PCDH7: variants seen among roughly 807,000 people sequenced by gnomAD.
PCDH7 encodes the protein protocadherin 7.
In PCDH7, 17 loss-of-function variants were observed where a neutral mutation model predicts 58.9. That is an observed-to-expected ratio of 0.29 (90% CI 0.20 to 0.43). The LOEUF is 0.43. PCDH7 is among the 20% of genes least tolerant of loss of function. PCDH7 has a pLI of 1.00. For synonymous variants in PCDH7, 664 were observed against 616.4 expected, an observed-to-expected ratio of 1.08 and a Z score of -1.14; for missense variants, 1,274 against 1,441.0, an observed-to-expected ratio of 0.88 and a Z score of 1.88.
chr4:31,048,957 G>A (rs910159280), intron 3 of PCDH7, among the ~76,000 whole-genome samples: 1 of 152,100 alleles, frequency 6.6e-6, no homozygotes, highest in South Asian at 2.1e-4. Flanking sequence ...TAATTCAACT[G>A]TAAACCAGAA....
At chr4:30,986,866 A>C (rs1751015028) in intron 3 of PCDH7, among the ~76,000 whole-genome samples, 1 of 152,004 alleles carries the variant, frequency 6.6e-6, no homozygotes, top group Admixed American at 6.6e-5. Context: ...CTGTAGTCCC[A>C]GCTACTCAGG....
At chr4:31,018,696 T>A (rs1163779679) in intron 3 of PCDH7, among the ~76,000 whole-genome samples, 2 of 152,218 alleles carry the variant, frequency 1.3e-5, no homozygotes, top group African/African-American at 2.4e-5. Flanking sequence ...ATTTGCAGCA[T>A]CTCATTTGTA....
intron 3 of PCDH7, among the ~76,000 whole-genome samples, chr4:31,138,287 CAT>C (rs1009298529): frequency 2.6e-5 from 4 of 152,106 alleles, no homozygotes; most frequent in African/African-American, 9.7e-5. Flanking sequence ...CTTAAGAAAA[CAT>C]ATAATTTTCT....
chr4:30,878,019 A>G (rs1311809219), intron 1 of PCDH7, among the ~76,000 whole-genome samples: 1 of 152,168 alleles, frequency 6.6e-6, no homozygotes, highest in Admixed American at 6.6e-5. Context: ...TCAGAAGAAA[A>G]GTGTGTGAGG....
At chr4:30,961,388 C>CA (rs36009331) in intron 3 of PCDH7, among the ~76,000 whole-genome samples, 12,304 of 143,766 alleles carry the variant, frequency 0.086, 668 homozygotes, top group Non-Finnish European at 0.12. Context: ...ACTAAAAATA[C>CA]AAAAAAAAAA....
chr4:30,852,361 A>G (rs1321552598), intron 1 of PCDH7, among the ~76,000 whole-genome samples: 6 of 152,096 alleles, frequency 3.9e-5, no homozygotes, highest in Non-Finnish European at 7.4e-5. Context: ...GTGGGGGATT[A>G]GAGGATAGGG....
At chr4:31,139,765 C>T (rs1004747156) in intron 3 of PCDH7, among the ~76,000 whole-genome samples, 5 of 152,130 alleles carry the variant, frequency 3.3e-5, no homozygotes, top group Non-Finnish European at 5.9e-5. Flanking sequence ...GTTTTGATTG[C>T]TTGTGATGAA....
chr4:31,115,326 TTTA>T (rs1716862229), intron 3 of PCDH7, among the ~76,000 whole-genome samples: 1 of 152,078 alleles, frequency 6.6e-6, no homozygotes, highest in Non-Finnish European at 1.5e-5. Flanking sequence ...CCTCTGACTT[TTTA>T]TTATATTATT....
chr4:30,750,694 A>G (rs1287757296), intron 1 of PCDH7, among the ~76,000 whole-genome samples: 2 of 152,124 alleles, frequency 1.3e-5, no homozygotes, highest in Admixed American at 1.3e-4. Flanking sequence ...GCATTCATTA[A>G]CTTACCAAGT....
intron 3 of PCDH7, among the ~76,000 whole-genome samples, chr4:30,985,332 T>G (rs1386511811): frequency 1.3e-5 from 2 of 152,210 alleles, no homozygotes; most frequent in African/African-American, 2.4e-5. Flanking sequence ...TTTATTAGAT[T>G]TATATTTTGG....
chr4:30,894,512 TATATACACACACAC>T (rs1410314944), intron 1 of PCDH7, among the ~76,000 whole-genome samples: 580 of 50,268 alleles, frequency 0.012, 5 homozygotes, highest in Non-Finnish European at 0.016. Flanking sequence ...TATATATATA[TATATACACACACAC>T]ACACACACAC....
At chr4:30,924,521 G>A (rs1373568084) in intron 2 of PCDH7, among the ~76,000 whole-genome samples, 1 of 152,172 alleles carries the variant, frequency 6.6e-6, no homozygotes, top group Non-Finnish European at 1.5e-5. Context: ...AACCCACACA[G>A]CAAGTGCATT....
At chr4:30,856,312 C>A (rs1451126872) in intron 1 of PCDH7, among the ~76,000 whole-genome samples, 2 of 152,086 alleles carry the variant, frequency 1.3e-5, no homozygotes, top group East Asian at 1.9e-4. Context: ...GAGACAAATT[C>A]TTCTCCCACC....
At chr4:30,725,700 C>T (rs1714521719) in intron 1 of PCDH7, among the ~76,000 whole-genome samples, 1 of 151,976 alleles carries the variant, frequency 6.6e-6, no homozygotes, top group Non-Finnish European at 1.5e-5. Context: ...TCTCAAGAAA[C>T]ACAGTTATGA....
rs548233788 is a variant in PCDH7, at chr4:31,073,944, C to T, written c.*8-68529C>T. On this transcript the variant is annotated intron_variant, in intron 3 of 3. Coordinates refer to the PCDH7 transcript ENST00000509759. ...TTGTCTCCTATTATTCTCTCCTGGG[C>T]TTTGTATATTCCGGCCAAACTGCTT... Among the ~76,000 whole-genome samples, 10 of 152,118 alleles carry T rather than the reference C, an allele frequency of 6.6e-5. No individual in the cohort carries two copies. In the South Asian group the frequency reaches 1.9e-3, roughly 28 times the overall value.
intron 1 of PCDH7, among the ~76,000 whole-genome samples, chr4:30,905,783 TG>T (rs1288014807): frequency 6.6e-6 from 1 of 152,216 alleles, no homozygotes; most frequent in African/African-American, 2.4e-5. Flanking sequence ...AATTGGAAGG[TG>T]AAATCCAGCT....
chr4:31,014,557 T>A (rs1437640145), intron 3 of PCDH7, among the ~76,000 whole-genome samples: 1 of 152,172 alleles, frequency 6.6e-6, no homozygotes, highest in Non-Finnish European at 1.5e-5. Flanking sequence ...CGTAAGCCAG[T>A]TAGATAATCA....
At chr4:30,882,678 A>C (rs1477897447) in intron 1 of PCDH7, among the ~76,000 whole-genome samples, 1 of 152,206 alleles carries the variant, frequency 6.6e-6, no homozygotes, top group African/African-American at 2.4e-5. Context: ...CATGTGGGGA[A>C]ATAAATCTTT....
Position 30,997,784 on chromosome 4 carries a change from G to A in PCDH7, c.*7+47569G>A, listed in dbSNP as rs562923628. 6.8e-4 allele frequency among the ~76,000 whole-genome samples: 104 copies of A among 152,130 alleles called. 1 individual carries two copies. Among genetic ancestry groups the A allele is most frequent in the African/African-American group, 2.2e-3 (90 of 41,522 alleles). On this transcript the variant is annotated intron_variant, in intron 3 of 3. Coordinates refer to the PCDH7 transcript ENST00000509759. The stretch of plus-strand genomic sequence containing the variant: ...TGTAATCAAGACATTTTAAAAGAAC[G>A]TTTAATAAAGGGAAGTCATCAGGCC...
Sources: gnomAD v4.1 joint callset for allele counts (sites outside exome capture counted in the v4.1 genomes callset) on GRCh38, gnomAD v4.1.1 for gene constraint, MANE v1.5 for transcripts, NCBI Gene and HGNC (gene_info 2026-07-23, HGNC 2026-07-21) for gene names.